REDIC1: variants seen among roughly 807,000 people sequenced by gnomAD.
REDIC1 encodes HEI10 Interacting Protein 1.
the REDIC1 span, among the ~76,000 whole-genome samples, chr12:39,656,694 C>T: frequency 2.0e-5 from 3 of 152,222 alleles, no homozygotes; most frequent in Admixed American, 6.5e-5. Flanking sequence ...CCCTGAAGAC[C>T]TTCCAGTGGG....
At chr12:39,821,683 G>A in the REDIC1 span, among the ~76,000 whole-genome samples, 5 of 152,286 alleles carry the variant, frequency 3.3e-5, no homozygotes, top group African/African-American at 7.2e-5. Context: ...AAAAGAGGAC[G>A]TGGCAAATCC....
At chr12:39,788,086 A>C in the REDIC1 span, among the ~76,000 whole-genome samples, 1 of 152,152 alleles carries the variant, frequency 6.6e-6, no homozygotes, top group South Asian at 2.1e-4. Context: ...TATATAAACA[A>C]AAATTATTTT....
the REDIC1 span, among the ~76,000 whole-genome samples, chr12:39,718,003 A>T: frequency 6.6e-6 from 1 of 151,726 alleles, no homozygotes; most frequent in African/African-American, 2.4e-5. Context: ...AGTCTCTTTC[A>T]TGATTTTCTT....
At chr12:39,720,634 G>GAT in the REDIC1 span, among the ~76,000 whole-genome samples, 119 of 152,234 alleles carry the variant, frequency 7.8e-4, no homozygotes, top group East Asian at 9.1e-3. Context: ...ACTCTTTGAT[G>GAT]ATATACCTGC....
At chr12:39,755,888 A>G in the REDIC1 span, 2 of 151,858 alleles carry the variant, frequency 1.3e-5, no homozygotes, top group African/African-American at 4.8e-5. Flanking sequence ...GAACATCAAC[A>G]CTCTTATAAA....
the REDIC1 span, among the ~76,000 whole-genome samples, chr12:39,818,421 T>A: frequency 6.6e-6 from 1 of 152,234 alleles, no homozygotes; most frequent in East Asian, 1.9e-4. Context: ...AGATAGGATC[T>A]CTTATCAATC....
the REDIC1 span, among the ~76,000 whole-genome samples, chr12:39,703,177 A>G: frequency 6.6e-6 from 1 of 152,188 alleles, no homozygotes; most frequent in Non-Finnish European, 1.5e-5. Flanking sequence ...CTGCATATAT[A>G]GACAACCCCA....
At chr12:39,721,732 A>G in the REDIC1 span, 1 of 152,600 alleles carries the variant, frequency 6.6e-6, no homozygotes, top group African/African-American at 2.4e-5. Flanking sequence ...CTTCTCTTTA[A>G]TATTACAGTC....
At chr12:39,704,477 C>G in the REDIC1 span, among the ~76,000 whole-genome samples, 94 of 152,248 alleles carry the variant, frequency 6.2e-4, no homozygotes, top group Middle Eastern at 0.01. Flanking sequence ...GTTGGTGGGA[C>G]TGTAAACTAG....
At chr12:39,720,808 A>G in the REDIC1 span, 7 of 1,610,660 alleles carry the variant, frequency 4.3e-6, no homozygotes, top group Non-Finnish European at 5.1e-6. Flanking sequence ...TGAAGATCAA[A>G]TATCACAGCA....
At chr12:39,696,615 A>G in the REDIC1 span, among the ~76,000 whole-genome samples, 1 of 150,118 alleles carries the variant, frequency 6.7e-6, no homozygotes, top group Non-Finnish European at 1.5e-5. Flanking sequence ...AGAAATGGAC[A>G]TATGTGACCT....
the REDIC1 span, among the ~76,000 whole-genome samples, chr12:39,724,914 G>A: frequency 2.0e-5 from 3 of 152,016 alleles, no homozygotes; most frequent in African/African-American, 7.2e-5. Flanking sequence ...AGTATCAACA[G>A]TATAGGAGAG....
the REDIC1 span, among the ~76,000 whole-genome samples, chr12:39,740,720 T>C: frequency 6.6e-6 from 1 of 152,196 alleles, no homozygotes; most frequent in South Asian, 2.1e-4. Context: ...CAAACAACTA[T>C]ATCTGTTCAG....
the REDIC1 span, among the ~76,000 whole-genome samples, chr12:39,750,857 A>T: frequency 6.6e-6 from 1 of 152,254 alleles, no homozygotes; most frequent in Non-Finnish European, 1.5e-5. Context: ...CTGGCTAGCC[A>T]TATGTAGAAA....
chr12:39,720,135 A>T, the REDIC1 span, among the ~76,000 whole-genome samples: 1 of 152,116 alleles, frequency 6.6e-6, no homozygotes, highest in African/African-American at 2.4e-5. Flanking sequence ...CCTATTAAAA[A>T]GTTCTTAAAA....
chr12:39,818,705 C>T, the REDIC1 span, among the ~76,000 whole-genome samples: 216 of 152,150 alleles, frequency 1.4e-3, 1 homozygote, highest in African/African-American at 4.9e-3. Flanking sequence ...TTAGGTTATA[C>T]AGAAAGTTCT....
the REDIC1 span, among the ~76,000 whole-genome samples, chr12:39,904,987 T>C: frequency 1.3e-5 from 2 of 152,208 alleles, no homozygotes; most frequent in Non-Finnish European, 2.9e-5. Context: ...ATCTCAACTG[T>C]AGAATGGCTG....
chr12:39,832,915 G>A, the REDIC1 span, among the ~76,000 whole-genome samples: 1 of 152,210 alleles, frequency 6.6e-6, no homozygotes, highest in East Asian at 1.9e-4. Flanking sequence ...TAGAGCAGAT[G>A]AGTAGCTCTT....
chr12:39,847,524 C>T, the REDIC1 span, among the ~76,000 whole-genome samples: 1 of 152,080 alleles, frequency 6.6e-6, no homozygotes, highest in Non-Finnish European at 1.5e-5. Context: ...TTCCTTCTGG[C>T]TTGCTTCACA....
Sources: allele counts gnomAD v4.1 joint callset (sites outside exome capture counted in the v4.1 genomes callset), GRCh38; gene constraint gnomAD v4.1.1; transcripts MANE v1.5; gene names NCBI Gene and HGNC (gene_info 2026-07-23, HGNC 2026-07-21).